Variants in FGGY observed in about 807,000 individuals in gnomAD.
The protein encoded by FGGY is FGGY carbohydrate kinase domain-containing protein.
Under a neutral mutation model 71.3 loss-of-function variants are expected in FGGY, and 72 were observed. That is an observed-to-expected ratio of 1.01 (90% CI 0.84 to 1.23). The LOEUF is 1.23. FGGY is among the 50% of genes most tolerant of loss of function. The probability of loss-of-function intolerance (pLI) is 0.00; values close to 1 mark genes in which losing one functional copy is unlikely to be tolerated. For missense variants in FGGY, 668 were observed against 682.3 expected, an observed-to-expected ratio of 0.98 and a Z score of 0.23; for synonymous variants, 251 against 250.3, an observed-to-expected ratio of 1.00 and a Z score of -0.02.
At chr1:59,753,774 G>A (rs879166872) in intron 14 of FGGY, among the ~76,000 whole-genome samples, 1 of 151,826 alleles carries the variant, frequency 6.6e-6, no homozygotes, top group Non-Finnish European at 1.5e-5. Context: ...TATTGAGATA[G>A]AATACAAAAT....
chr1:59,300,302 T>C (rs534014438), intron 1 of FGGY, among the ~76,000 whole-genome samples: 3 of 152,252 alleles, frequency 2.0e-5, no homozygotes, highest in Admixed American at 1.3e-4. Context: ...AGGTAAAGTA[T>C]GTATTCAATC....
intron 9 of FGGY, among the ~76,000 whole-genome samples, chr1:59,613,473 G>C (rs1371159546): frequency 6.6e-6 from 1 of 152,192 alleles, no homozygotes; most frequent in Non-Finnish European, 1.5e-5. Context: ...CAACATACCA[G>C]AATCTCTGGG....
intron 5 of FGGY, among the ~76,000 whole-genome samples, chr1:59,401,386 A>G (rs965512380): frequency 1.3e-5 from 2 of 152,232 alleles, no homozygotes; most frequent in African/African-American, 4.8e-5. Context: ...TGACATTGTA[A>G]CAATGTCTTG....
chr1:59,590,379 T>C (rs555109307), intron 8 of FGGY, among the ~76,000 whole-genome samples: 1 of 152,332 alleles, frequency 6.6e-6, no homozygotes, highest in South Asian at 2.1e-4. Context: ...AGTGGTACCA[T>C]TCCTTCTGAA....
intron 8 of FGGY, among the ~76,000 whole-genome samples, chr1:59,586,168 G>A (rs192315049): frequency 4.6e-5 from 7 of 152,258 alleles, no homozygotes; most frequent in South Asian, 2.1e-4. Flanking sequence ...GGGTATATAC[G>A]CAAAGGATTA....
At chr1:59,441,688 G>A (rs1289741546) in intron 5 of FGGY, among the ~76,000 whole-genome samples, 1 of 152,140 alleles carries the variant, frequency 6.6e-6, no homozygotes, top group Non-Finnish European at 1.5e-5. Flanking sequence ...AATTACTACT[G>A]TTACCTTCTT....
At chr1:59,733,048 G>A (rs1161774089) in intron 14 of FGGY, among the ~76,000 whole-genome samples, 3 of 151,874 alleles carry the variant, frequency 2.0e-5, no homozygotes, top group Non-Finnish European at 4.4e-5. Context: ...TTCCCTACTC[G>A]CTACTACTAC....
At chr1:59,523,762 T>C (rs1570646717) in intron 7 of FGGY, among the ~76,000 whole-genome samples, 1 of 152,336 alleles carries the variant, frequency 6.6e-6, no homozygotes, top group Middle Eastern at 3.4e-3. Context: ...GGTAAAAATT[T>C]AAATGCTTGA....
chr1:59,646,098 G>A (rs965530558), intron 11 of FGGY, among the ~76,000 whole-genome samples: 1 of 152,298 alleles, frequency 6.6e-6, no homozygotes, highest in Admixed American at 6.5e-5. Context: ...ATCCAGATGT[G>A]GAAGGAGTCA....
intron 13 of FGGY, chr1:59,673,797 T>C (rs948737492): frequency 9.4e-6 from 4 of 425,920 alleles, no homozygotes; most frequent in Non-Finnish European, 1.7e-5. Context: ...TGAGGTCTCG[T>C]GAGTTGATAT....
intron 6 of FGGY, among the ~76,000 whole-genome samples, chr1:59,504,713 A>G (rs2094332898): frequency 6.6e-6 from 1 of 152,208 alleles, no homozygotes; most frequent in Non-Finnish European, 1.5e-5. Context: ...TGGTGGGATT[A>G]TGTTAGAAAA....
chr1:59,693,370 CCT>C (rs1442136735), intron 14 of FGGY, among the ~76,000 whole-genome samples: 1 of 152,224 alleles, frequency 6.6e-6, no homozygotes, highest in Non-Finnish European at 1.5e-5. Flanking sequence ...GCTTAATTAA[CCT>C]CTCTACACTT....
intron 8 of FGGY, among the ~76,000 whole-genome samples, chr1:59,604,293 C>T (rs2096603390): frequency 6.6e-6 from 1 of 152,234 alleles, no homozygotes; most frequent in Non-Finnish European, 1.5e-5. Context: ...CACATAAGTA[C>T]ACAAGTGTAC....
At position 59,456,989 on chromosome 1, in the gene FGGY, A is replaced by G. The variant is rs770462017; in HGVS notation, c.583A>G (p.Thr195Ala). Residue 195 changes from threonine (T) to alanine (A), a missense_variant, in exon 6 of 16, where the codon ACA becomes GCA. This residue lies in a region of FGGY where 661 missense variants were observed against 661.6 expected (regional missense o/e 1.00). Transcript: ENST00000303721. ...RSLCSLVCKW[T>A]YSAEKGWDDS... is the part of the protein sequence containing the mutation. ...TCTCTGCTCCCTGGTGTGTAAGTGG[A>G]CATATTCAGCAGAGAAAGGCTGGGA... 2 of 1,613,964 alleles carry G rather than the reference A, an allele frequency of 1.2e-6. No individual in the cohort carries two copies. Among genetic ancestry groups the G allele is most frequent in the South Asian group, 1.1e-5 (1 of 91,082 alleles).
intron 7 of FGGY, among the ~76,000 whole-genome samples, chr1:59,532,977 T>C (rs2095194726): frequency 6.6e-6 from 1 of 152,168 alleles, no homozygotes; most frequent in Non-Finnish European, 1.5e-5. Context: ...AGGCAACCAT[T>C]TAGAAAATAA....
intron 10 of FGGY, among the ~76,000 whole-genome samples, chr1:59,627,654 A>G (rs1298921125): frequency 3.3e-5 from 5 of 151,900 alleles, no homozygotes; most frequent in Admixed American, 1.3e-4. Flanking sequence ...CAGGTACTGT[A>G]TTCTAAGTAC....
At chr1:59,447,324 T>C (rs1349807385) in intron 5 of FGGY, among the ~76,000 whole-genome samples, 1 of 152,182 alleles carries the variant, frequency 6.6e-6, no homozygotes, top group African/African-American at 2.4e-5. Flanking sequence ...CTTTTCTTTT[T>C]TCTGGTCAGA....
At chr1:59,603,576 T>G (rs1436510497) in intron 8 of FGGY, among the ~76,000 whole-genome samples, 1 of 152,216 alleles carries the variant, frequency 6.6e-6, no homozygotes, top group Non-Finnish European at 1.5e-5. Context: ...TCCTCCCATT[T>G]TGGAGTTGAG....
At chr1:59,512,597 A>G (rs2094545103) in intron 7 of FGGY, among the ~76,000 whole-genome samples, 158 bp downstream of exon 7, 1 of 152,258 alleles carries the variant, frequency 6.6e-6, no homozygotes. Context: ...GCATTTGGAT[A>G]GAATTACAGA....
Sources: allele counts gnomAD v4.1 joint callset (sites outside exome capture counted in the v4.1 genomes callset), GRCh38; gene constraint gnomAD v4.1.1; regional missense constraint gnomAD v4.1.1; transcripts MANE v1.5; gene names NCBI Gene and HGNC (gene_info 2026-07-23, HGNC 2026-07-21).